The following TOMM70 variants were observed in gnomAD, a reference collection of about 807,000 sequenced individuals.
TOMM70 encodes the protein mitochondrial import receptor subunit TOM70.
In TOMM70, 13 loss-of-function variants were observed where a neutral mutation model predicts 73.6. The ratio of observed to expected loss-of-function variants is 0.18; its 90% confidence interval spans 0.11 to 0.28. The LOEUF (loss-of-function observed/expected upper bound fraction) is 0.28. Among genes scored for constraint, TOMM70 ranks in the 10% least tolerant of loss-of-function variants. The probability of loss-of-function intolerance (pLI) is 1.00; values close to 1 mark genes in which losing one functional copy is unlikely to be tolerated. For synonymous variants in TOMM70, 257 were observed against 271.2 expected (o/e 0.95, Z 0.51); for missense variants, 609 against 747.5 (o/e 0.81, Z 2.16).
rs1310598370 is a variant in TOMM70, at chr3:100,369,019, C to G, written c.1550+19G>C. The G allele has an allele frequency of 6.5e-7, 1 of 1,542,146 alleles. No individual in the cohort carries two copies. Among genetic ancestry groups the G allele is most frequent in the Non-Finnish European group, 8.9e-7 (1 of 1,123,380 alleles). On this transcript the variant is annotated intron_variant, in intron 10 of 11. Transcript: ENST00000284320. Reference sequence around the variant, plus strand: ...CAAGAAATTTATTATCTCATTGGAACAATCACAAAAATACATACCCTTTAT... The same window carrying G: ...CAAGAAATTTATTATCTCATTGGAAGAATCACAAAAATACATACCCTTTAT...
chr3:100,382,797 G>T (rs949361816), intron 4 of TOMM70, among the ~76,000 whole-genome samples: 2 of 152,098 alleles, frequency 1.3e-5, no homozygotes, highest in Non-Finnish European at 2.9e-5. Context: ...ACAAGAAAGG[G>T]ATTTAAGTAT....
rs1706607799 is a variant in TOMM70, at chr3:100,379,639, CAG to C, written c.885-1729_885-1728del. Reference sequence around the variant, plus strand: ...TCTCTCTCCCTTTTGTTTTTTGAGACAGAGTCTTGCTCTGTTCCCCAGGCTGG... The same window carrying C: ...TCTCTCTCCCTTTTGTTTTTTGAGACAGTCTTGCTCTGTTCCCCAGGCTGG... On this transcript the variant is annotated intron_variant, in intron 5 of 11. Coordinates refer to ENST00000284320, the MANE Select transcript of TOMM70 (RefSeq NM_014820.5). Among the ~76,000 whole-genome samples, 3 of 152,254 alleles carry C rather than the reference CAG, an allele frequency of 2.0e-5. No homozygotes were observed. In the South Asian group the frequency reaches 6.2e-4, roughly 32 times the overall value.
intron 11 of TOMM70, among the ~76,000 whole-genome samples, chr3:100,366,382 C>G (rs1323987140): frequency 6.6e-6 from 1 of 152,120 alleles, no homozygotes; most frequent in African/African-American, 2.4e-5. Context: ...TATATGCAAT[C>G]CTACAAAGAA....
intron 1 of TOMM70, among the ~76,000 whole-genome samples, chr3:100,396,541 A>T (rs1706827081): frequency 6.6e-6 from 1 of 152,230 alleles, no homozygotes; most frequent in African/African-American, 2.4e-5. Context: ...ACATTGGTAC[A>T]GCCAGGATAC....
intron 6 of TOMM70, 23 bp from the exon 7 acceptor site, chr3:100,375,175 G>C (rs749437085): frequency 5.9e-5 from 89 of 1,517,166 alleles, no homozygotes; most frequent in Middle Eastern, 1.7e-4. Flanking sequence ...AGTGAGGAAA[G>C]GTTCATCATT....
chr3:100,377,463 G>A (rs146729976), intron 6 of TOMM70: 120 of 446,176 alleles, frequency 2.7e-4, no homozygotes, highest in Middle Eastern at 6.5e-4. Context: ...ACAGGGAGAC[G>A]ATGAAACTAC....
chr3:100,372,393 A>G (rs1473535940), intron 9 of TOMM70: 1 of 398,408 alleles, frequency 2.5e-6, no homozygotes, highest in Non-Finnish European at 4.4e-6. Flanking sequence ...AAGCTTCCCC[A>G]TATTGAGTTT....
At chr3:100,390,549 C>T (rs991061136) in intron 1 of TOMM70, among the ~76,000 whole-genome samples, 13 of 152,040 alleles carry the variant, frequency 8.6e-5, no homozygotes, top group African/African-American at 2.4e-4. Context: ...ATATTGGGGC[C>T]GGGTGCAGTG....
intron 11 of TOMM70, among the ~76,000 whole-genome samples, chr3:100,366,509 A>G (rs191550894): frequency 9.2e-5 from 14 of 152,242 alleles, no homozygotes; most frequent in Non-Finnish European, 1.9e-4. Flanking sequence ...TGCCAGTAAG[A>G]GGTACCACTA....
intron 1 of TOMM70, among the ~76,000 whole-genome samples, chr3:100,390,429 T>G (rs1706745352): frequency 6.6e-6 from 1 of 152,164 alleles, no homozygotes; most frequent in Non-Finnish European, 1.5e-5. Flanking sequence ...AGCTGAAAAA[T>G]TCCTATTGCC....
At chr3:100,387,599 GACACACACAC>G (rs71752325) in intron 1 of TOMM70, among the ~76,000 whole-genome samples, 149 of 118,214 alleles carry the variant, frequency 1.3e-3, no homozygotes, top group African/African-American at 3.7e-3. Flanking sequence ...CACAGACACA[GACACACACAC>G]ACACACACAC....
rs115983193 is a variant in TOMM70 at position 100,375,239 on chromosome 3, C to T, written c.1093-87G>A. On this transcript the variant is annotated intron_variant, in intron 6 of 11. Coordinates refer to ENST00000284320, the MANE Select transcript of TOMM70 (RefSeq NM_014820.5). ...TTAAATAACAGCTTTTTTCTATAAT[C>T]CACATATCACAAAGGTCACCCTTTT... 3.8e-4 allele frequency: 541 copies of T among 1,429,642 alleles called. 6 individuals are homozygous for T. The African/African-American group carries it at 6.8e-3, about 18-fold the overall frequency. The allele number at this position is 1,429,642 out of a possible 1,614,324, so 88.6% of individuals were successfully genotyped here.
intron 10 of TOMM70, 46 bp from the exon 11 acceptor site, chr3:100,368,212 G>C: frequency 6.3e-7 from 1 of 1,591,580 alleles, no homozygotes; most frequent in South Asian, 1.2e-5. Flanking sequence ...CCCAGTATCA[G>C]TAGGAATACA....
intron 4 of TOMM70, among the ~76,000 whole-genome samples, chr3:100,382,411 AGGATAGATAAAAGTG>A (rs1706643506): frequency 6.6e-6 from 1 of 152,228 alleles, no homozygotes; most frequent in Non-Finnish European, 1.5e-5. Context: ...TATTTAATCT[AGGATAGATAAAAGTG>A]GGATAGAAAG....
rs1355604147 is a variant in TOMM70 at position 100,365,558 on chromosome 3, C to T, written c.*6G>A. On this transcript the variant is annotated 3_prime_UTR_variant, in exon 12 of 12. Transcript: ENST00000284320. ...AAAAAGAGGGTCAGTCTGCTTTCCC[C>T]CTGTTTTATAATGTTGGTGGTTTTA... The T allele has an allele frequency of 6.2e-7, 1 of 1,614,114 alleles. No homozygotes were observed. The highest frequency in any genetic ancestry group is 1.7e-5 in the Admixed American group (1 of 60,020).
intron 4 of TOMM70, among the ~76,000 whole-genome samples, chr3:100,382,776 A>C (rs1356473681): frequency 6.6e-6 from 1 of 152,208 alleles, no homozygotes; most frequent in African/African-American, 2.4e-5. Context: ...TTAAAGTGAA[A>C]ATAAACGGTT....
chr3:100,391,126 G>GTT (rs1356416888), intron 1 of TOMM70, among the ~76,000 whole-genome samples: 4 of 151,984 alleles, frequency 2.6e-5, no homozygotes, highest in Admixed American at 2.0e-4. Context: ...GGGCAACAGA[G>GTT]TAAGACTCCG....
intron 9 of TOMM70, 80 bp downstream of exon 9, chr3:100,372,526 A>C: frequency 8.7e-7 from 1 of 1,149,562 alleles, no homozygotes; most frequent in Non-Finnish European, 1.3e-6. Context: ...TGCAACCATG[A>C]TAGCACTGTT....
chr3:100,368,541 C>A (rs772457818), intron 10 of TOMM70, among the ~76,000 whole-genome samples: 6 of 152,112 alleles, frequency 3.9e-5, no homozygotes, highest in Non-Finnish European at 7.4e-5. Context: ...GAAATTAAAA[C>A]CCTTAACACA....
Sources: gnomAD v4.1 joint callset for allele counts (sites outside exome capture counted in the v4.1 genomes callset) on GRCh38, gnomAD v4.1.1 for gene constraint, MANE v1.5 for transcripts, NCBI Gene and HGNC (gene_info 2026-07-23, HGNC 2026-07-21) for gene names.